Variants in TBXAS1 observed in about 807,000 individuals in gnomAD.
TBXAS1 encodes thromboxane-A synthase.
In TBXAS1, 48 loss-of-function variants were observed where a neutral mutation model predicts 60.7. The observed-to-expected ratio is 0.79, with a 90% CI of 0.63 to 1.01. TBXAS1 has a LOEUF of 1.01. TBXAS1 is among the 50% of genes least tolerant of loss of function. TBXAS1 has a pLI of 0.00. For missense variants in TBXAS1, 685 were observed against 686.3 expected (o/e 1.00, Z 0.02); for synonymous variants, 287 against 269.7 (o/e 1.06, Z -0.63).
At chr7:139,861,708 T>G (rs1216574794) in intron 1 of TBXAS1, among the ~76,000 whole-genome samples, 3 of 152,218 alleles carry the variant, frequency 2.0e-5, no homozygotes, top group African/African-American at 7.2e-5. Flanking sequence ...TATTTTTGTA[T>G]TATTGTGAAC....
At chr7:139,863,579 T>A (rs1259485444) in intron 1 of TBXAS1, among the ~76,000 whole-genome samples, 1 of 152,182 alleles carries the variant, frequency 6.6e-6, no homozygotes, top group African/African-American at 2.4e-5. Flanking sequence ...AATGCAACTA[T>A]CAGACAATAA....
At chr7:139,906,068 ATC>A (rs1194267591) in intron 3 of TBXAS1, 1 of 380,432 alleles carries the variant, frequency 2.6e-6, no homozygotes, top group Admixed American at 3.4e-5. Context: ...TTACTCTAGC[ATC>A]TTTTTTTTTT....
At chr7:139,970,305 C>A (rs1342118749) in intron 9 of TBXAS1, among the ~76,000 whole-genome samples, 1 of 152,192 alleles carries the variant, frequency 6.6e-6, no homozygotes, top group African/African-American at 2.4e-5. Flanking sequence ...CAGGGTTTCA[C>A]CATGTTGGAC....
chr7:139,852,394 C>T lies in TBXAS1; in HGVS notation c.90-19841C>T, dbSNP rs930452635. Among the ~76,000 whole-genome samples the T allele has an allele frequency of 6.6e-6, 1 of 152,204 alleles. No individual in the cohort carries two copies. Among genetic ancestry groups the T allele is most frequent in the African/African-American group, 2.4e-5 (1 of 41,454 alleles). On this transcript the variant is annotated intron_variant, in intron 1 of 12. Coordinates refer to ENST00000448866, the MANE Select transcript of TBXAS1 (RefSeq NM_001061.7). This position sits in a 1 kb window ranked among gnomAD's most constrained non-coding sequence, Gnocchi z 4.4. ...AGGTTCTGTGGGTCTCCACCTGTGG[C>T]TGTGTTCCAGAACCCAGAGAGGTGA...
intron 11 of TBXAS1, chr7:140,016,246 T>G (rs1004198797): frequency 2.9e-6 from 1 of 341,238 alleles, no homozygotes; most frequent in Non-Finnish European, 5.5e-6. Context: ...GAGAATGGCG[T>G]GAACCCAGGA....
rs369005288 is a variant in TBXAS1, at chr7:139,998,915, G to A, written c.1135-8176G>A. Among the ~76,000 whole-genome samples, 44 of 152,346 alleles carry A rather than the reference G, an allele frequency of 2.9e-4. 1 individual carries two copies. In the South Asian group the frequency reaches 8.9e-3, roughly 31 times the overall value. ...TCTGTGTTTTTATGAGACGGGTTCT[G>A]TCCCCTTCTAAAGCAGGTATAAATA... On this transcript the variant is annotated intron_variant, in intron 9 of 12. Coordinates refer to ENST00000448866, the MANE Select transcript of TBXAS1 (RefSeq NM_001061.7).
At chr7:139,793,566 A>G (rs1011850252) in intron 4 of TBXAS1, among the ~76,000 whole-genome samples, 4 of 152,224 alleles carry the variant, frequency 2.6e-5, no homozygotes, top group Non-Finnish European at 5.9e-5. Context: ...CTGGGGCCAA[A>G]TGAAAGACTC....
intron 4 of TBXAS1, among the ~76,000 whole-genome samples, chr7:139,823,884 T>C (rs1013380788): frequency 6.6e-6 from 1 of 152,194 alleles, no homozygotes; most frequent in African/African-American, 2.4e-5. Context: ...TTCTTGGTAC[T>C]TGTATGGTGC....
At chr7:139,962,485 G>C (rs1810452114) in intron 9 of TBXAS1, 2 of 440,386 alleles carry the variant, frequency 4.5e-6, no homozygotes, top group East Asian at 4.9e-5. Flanking sequence ...ATGAAGCCAG[G>C]CCTGGCTCGA....
chr7:139,973,334 T>G (rs977050372), intron 9 of TBXAS1, among the ~76,000 whole-genome samples: 1 of 152,106 alleles, frequency 6.6e-6, no homozygotes, highest in Non-Finnish European at 1.5e-5. Flanking sequence ...ATCAGCAAAT[T>G]AATAGCTTCT....
intron 6 of TBXAS1, 30 bp downstream of exon 6, chr7:139,953,486 C>T (rs746909321): frequency 1.0e-5 from 16 of 1,603,072 alleles, no homozygotes; most frequent in African/African-American, 4.0e-5. Flanking sequence ...GATGAGAAAT[C>T]GAGTTTTTGA....
At chr7:139,986,667 A>G (rs1812480213) in intron 9 of TBXAS1, among the ~76,000 whole-genome samples, 1 of 150,340 alleles carries the variant, frequency 6.7e-6, no homozygotes, top group African/African-American at 2.4e-5. Flanking sequence ...AGTTCCACCC[A>G]CATTGCTGCA....
At chr7:139,952,637 G>A (rs1338607630) in intron 5 of TBXAS1, 50 of 1,537,062 alleles carry the variant, frequency 3.3e-5, no homozygotes, top group East Asian at 9.8e-5. Context: ...CCCGTTTGTC[G>A]AAGCCGAGTG....
At chr7:139,928,505 C>T (rs1223547503) in intron 4 of TBXAS1, among the ~76,000 whole-genome samples, 3 of 152,200 alleles carry the variant, frequency 2.0e-5, no homozygotes, top group East Asian at 1.9e-4. Context: ...AATGTTAAAT[C>T]GTGACTCTGT....
intron 4 of TBXAS1, among the ~76,000 whole-genome samples, chr7:139,800,880 C>G (rs1797706473): frequency 6.6e-6 from 1 of 152,166 alleles, no homozygotes; most frequent in East Asian, 1.9e-4. Flanking sequence ...TTTAAAAACT[C>G]ATTCAACTCC....
chr7:139,961,332 A>C (rs1810318844), intron 8 of TBXAS1, among the ~76,000 whole-genome samples: 1 of 152,232 alleles, frequency 6.6e-6, no homozygotes, highest in African/African-American at 2.4e-5. Flanking sequence ...AGAAGTGAGC[A>C]GTACAGCACA....
chr7:139,949,333 G>A (rs932124708), intron 5 of TBXAS1, among the ~76,000 whole-genome samples: 1 of 152,184 alleles, frequency 6.6e-6, no homozygotes, highest in Non-Finnish European at 1.5e-5. Context: ...TATGTAGATA[G>A]ATAGACAGAT....
intron 4 of TBXAS1, among the ~76,000 whole-genome samples, chr7:139,931,390 C>T (rs779768258): frequency 3.9e-5 from 6 of 152,194 alleles, no homozygotes; most frequent in Non-Finnish European, 5.9e-5. Flanking sequence ...CCCCTTCCTG[C>T]ATGACATACA....
At chr7:139,949,804 A>C (rs1809049874) in intron 5 of TBXAS1, among the ~76,000 whole-genome samples, 1 of 152,172 alleles carries the variant, frequency 6.6e-6, no homozygotes, top group African/African-American at 2.4e-5. Flanking sequence ...CTCATCAGTA[A>C]AGCGGTGCCT....
Sources: gnomAD v4.1 joint callset for allele counts (sites outside exome capture counted in the v4.1 genomes callset) on GRCh38, gnomAD v4.1.1 for gene constraint, Gnocchi (gnomAD v3.1) non-coding constraint, MANE v1.5 for transcripts, NCBI Gene and HGNC (gene_info 2026-07-23, HGNC 2026-07-21) for gene names.